The following PTK7 variants were observed in gnomAD, a reference collection of about 807,000 sequenced individuals.
PTK7 encodes inactive tyrosine-protein kinase 7.
Under a neutral mutation model 116.6 loss-of-function variants are expected in PTK7, and 39 were observed. That is an observed-to-expected ratio of 0.33 (90% confidence interval 0.26 to 0.44). The LOEUF is 0.44. PTK7 is among the 20% of genes least tolerant of loss of function. PTK7 has a pLI of 1.00. For missense variants in PTK7, 1,169 were observed against 1,425.6 expected, an observed-to-expected ratio of 0.82 and a Z score of 2.90; for synonymous variants, 546 against 563.6, an observed-to-expected ratio of 0.97 and a Z score of 0.44.
intron 1 of PTK7, among the ~76,000 whole-genome samples, chr6:43,115,122 C>A (rs1398176799): frequency 6.7e-6 from 1 of 150,088 alleles, no homozygotes; most frequent in Admixed American, 6.6e-5. Context: ...TTTTTTTCAT[C>A]TATTGTTATT....
intron 1 of PTK7, among the ~76,000 whole-genome samples, chr6:43,118,362 C>A (rs1022163217): frequency 2.0e-5 from 3 of 151,798 alleles, no homozygotes; most frequent in African/African-American, 7.3e-5. Flanking sequence ...CATGGTGAAA[C>A]CCCGTCTCTA....
At chr6:43,111,050 C>T (rs1165066720) in intron 1 of PTK7, among the ~76,000 whole-genome samples, 3 of 152,194 alleles carry the variant, frequency 2.0e-5, no homozygotes, top group Non-Finnish European at 4.4e-5. Context: ...TCCATTTTCA[C>T]CCAGATAGGC....
At chr6:43,151,014 G>C (rs1190257242) in intron 17 of PTK7, among the ~76,000 whole-genome samples, 2 of 151,488 alleles carry the variant, frequency 1.3e-5, no homozygotes, top group East Asian at 1.9e-4. Flanking sequence ...GCAGGGATGA[G>C]GTTTCACCAT....
chr6:43,129,190 C>T lies in PTK7; in HGVS notation c.293C>T (p.Thr98Ile), dbSNP rs1350827331. Reference sequence around the variant, plus strand: ...GTGGACCGGCTGCAGGACTCTGGCACCTTCCAGTGTGTGGCTCGGGATGAT... The same window carrying T: ...GTGGACCGGCTGCAGGACTCTGGCATCTTCCAGTGTGTGGCTCGGGATGAT... ...AAVDRLQDSG[T>I]FQCVARDDVT... The change falls in exon 2 of 20, where the codon ACC (threonine) becomes ATC (isoleucine). Residue 98 changes from threonine to isoleucine, a missense_variant. Coordinates refer to ENST00000230419, the MANE Select transcript of PTK7 (RefSeq NM_002821.5). This position sits in a 1 kb window ranked among gnomAD's most constrained non-coding sequence, Gnocchi z 4.5. The T allele has an allele frequency of 6.2e-7, 1 of 1,614,160 alleles. No homozygotes were observed. Among genetic ancestry groups the T allele is most frequent in the South Asian group, 1.1e-5 (1 of 91,088 alleles).
chr6:43,102,750 G>A (rs919026382), intron 1 of PTK7, among the ~76,000 whole-genome samples: 1 of 151,454 alleles, frequency 6.6e-6, no homozygotes, highest in Non-Finnish European at 1.5e-5. Context: ...GAAATACAAT[G>A]CTATTTGCAT....
At chr6:43,159,269 G>C (rs981325895) in intron 18 of PTK7, among the ~76,000 whole-genome samples, 10 of 152,180 alleles carry the variant, frequency 6.6e-5, no homozygotes, top group Non-Finnish European at 1.0e-4. Flanking sequence ...GGCTCTCTCT[G>C]TAACTTCCTG....
chr6:43,087,709 G>A (rs1766735494), intron 1 of PTK7, among the ~76,000 whole-genome samples: 3 of 152,186 alleles, frequency 2.0e-5, no homozygotes, highest in Non-Finnish European at 4.4e-5. Context: ...ACCTTGGAGG[G>A]CCCTTGCTGA....
In PTK7 at chr6:43,155,314, A is replaced by G. The variant is rs192847517; in HGVS notation, c.2722-3503A>G. On this transcript the variant is annotated intron_variant, in intron 17 of 19. Transcript: ENST00000230419. ...CTGGGACTACAGGTGCCTGGCTTCAATTTATATTTGTTCAGTGCATTAATA... is the reference window on the plus strand; with the variant it reads ...CTGGGACTACAGGTGCCTGGCTTCAGTTTATATTTGTTCAGTGCATTAATA... Among the ~76,000 whole-genome samples the G allele has an allele frequency of 5.5e-3, 833 of 152,162 alleles. 29 individuals are homozygous for G. Among genetic ancestry groups the G allele is most frequent in the Admixed American group, 0.052 (788 of 15,264 alleles).
intron 7 of PTK7, among the ~76,000 whole-genome samples, chr6:43,136,164 A>G (rs1770026277): frequency 6.6e-6 from 1 of 150,544 alleles, no homozygotes; most frequent in South Asian, 2.1e-4. Context: ...TCAAAATAAA[A>G]TAAAAAATAC....
chr6:43,112,813 A>C lies in PTK7; in HGVS notation c.80-16164A>C, dbSNP rs76096209. On this transcript the variant is annotated intron_variant, in intron 1 of 19. Transcript: ENST00000230419. ...TTTCTGCCTTTGGTGGCTGGCATCA[A>C]AGTCAAATTCTTTGAGCCTTTTTTT... is the stretch of plus-strand genomic sequence containing the variant. Among the ~76,000 whole-genome samples, 60 of 152,086 alleles carry C rather than the reference A, an allele frequency of 3.9e-4. No homozygotes were observed. The East Asian group carries it at 0.012, about 29-fold the overall frequency.
intron 1 of PTK7, among the ~76,000 whole-genome samples, chr6:43,094,163 A>G (rs1767110586): frequency 6.6e-6 from 1 of 152,224 alleles, no homozygotes; most frequent in African/African-American, 2.4e-5. Context: ...CTGGCAAAAA[A>G]GTTCAAAGGG....
rs1252376046 is a variant in PTK7, at chr6:43,129,352, C to T, written c.367+88C>T. 2 of 1,484,912 alleles carry T rather than the reference C, an allele frequency of 1.3e-6. No individual in the cohort carries two copies. Among genetic ancestry groups the T allele is most frequent in the Non-Finnish European group, 1.8e-6 (2 of 1,089,830 alleles). The allele number at this position is 1,484,912 out of a possible 1,614,324, so 92.0% of individuals were successfully genotyped here. On this transcript the variant is annotated intron_variant, in intron 2 of 19. Coordinates refer to ENST00000230419, the MANE Select transcript of PTK7 (RefSeq NM_002821.5). This position sits in a 1 kb window ranked among gnomAD's most constrained non-coding sequence, Gnocchi z 4.5. ...GATCCCTCCCTTACCTCAGCTTCTC[C>T]CATTTCCAGTTAAACGGGCCAGGCA...
At chr6:43,138,349 T>TTAATTAATGTGACAGTTAACTAAGA (rs1561973078) in intron 7 of PTK7, among the ~76,000 whole-genome samples, 6 of 152,084 alleles carry the variant, frequency 3.9e-5, no homozygotes, top group Admixed American at 3.3e-4. Context: ...GTTAACTAAG[T>TTAATTAATGTGACAGTTAACTAAGA]TAATTAATGT....
rs747706191 is a variant in PTK7, at chr6:43,132,519, G to C, written c.1060G>C (p.Val354Leu). 8.1e-6 allele frequency: 13 copies of C among 1,612,832 alleles called. No individual in the cohort carries two copies. The South Asian group carries it at 1.3e-4, about 16-fold the overall frequency. Residue 354 changes from valine to leucine, a missense_variant, in exon 7 of 20, where the codon GTG (valine) becomes CTG (leucine). Coordinates refer to ENST00000230419, the MANE Select transcript of PTK7 (RefSeq NM_002821.5). The part of the protein sequence containing the change: ...LPPKGLPEPS[V>L]WWEHAGVRLP... ...CCCCAAGGGTCTGCCAGAGCCCAGC[G>C]TGTGGTGGGAGCACGCGGGAGTCCG...
chr6:43,150,412 C>CT (rs1338776485), intron 17 of PTK7, among the ~76,000 whole-genome samples: 1 of 152,172 alleles, frequency 6.6e-6, no homozygotes, highest in African/African-American at 2.4e-5. Context: ...TGGCTTGAGT[C>CT]TAACAGAATT....
intron 1 of PTK7, among the ~76,000 whole-genome samples, chr6:43,116,384 C>G (rs1582124782): frequency 2.0e-5 from 3 of 152,272 alleles, no homozygotes; most frequent in Non-Finnish European, 4.4e-5. Context: ...CCTGCTGCCA[C>G]AGGCCCTGGG....
chr6:43,156,263 A>T (rs1582226692), intron 17 of PTK7, among the ~76,000 whole-genome samples: 2 of 148,210 alleles, frequency 1.3e-5, no homozygotes, highest in African/African-American at 5.0e-5. Context: ...AAGAATTAAA[A>T]TATGAGATGT....
rs762586114 is a variant in PTK7 at position 43,160,756 on chromosome 6, G to A, written c.3088G>A (p.Glu1030Lys). ...TGGGAAGGCTAGACTTCCTCAGCCC[G>A]AGGGCTGCCCTTCCAAACTCTATCG... ...QAGKARLPQP[E>K]GCPSKLYRLM... Residue 1030 changes from glutamate (E) to lysine (K), a missense_variant, in exon 20 of 20, where the codon GAG (glutamate) becomes AAG (lysine). By Grantham distance (56) the Glu-to-Lys change is moderately conservative. This residue lies in a region of PTK7 where 678 missense variants were observed against 853.8 expected (regional missense o/e 0.79). Transcript: ENST00000230419. 7.4e-6 allele frequency: 12 copies of A among 1,614,054 alleles called. No homozygotes were observed. The highest frequency in any genetic ancestry group is 4.5e-5 in the East Asian group (2 of 44,894).
intron 1 of PTK7, among the ~76,000 whole-genome samples, chr6:43,116,881 T>C (rs1332423801): frequency 6.6e-6 from 1 of 152,138 alleles, no homozygotes; most frequent in Non-Finnish European, 1.5e-5. Context: ...TGGAGTGCAG[T>C]GGTGCGACCT....
Sources: gnomAD v4.1 joint callset for allele counts (sites outside exome capture counted in the v4.1 genomes callset) on GRCh38, gnomAD v4.1.1 for gene constraint, gnomAD v4.1.1 regional missense constraint, Gnocchi (gnomAD v3.1) non-coding constraint, MANE v1.5 for transcripts, NCBI Gene and HGNC (gene_info 2026-07-23, HGNC 2026-07-21) for gene names.